Variants in CNTNAP5 observed in about 807,000 individuals in gnomAD.
CNTNAP5 encodes the protein contactin-associated protein-like 5.
A neutral mutation model predicts 150.2 loss-of-function variants in CNTNAP5; 72 were observed. That is an observed-to-expected ratio of 0.48 (90% confidence interval 0.40 to 0.58). The LOEUF is 0.58. Ranked by LOEUF, CNTNAP5 falls within the 20% of genes least tolerant of loss-of-function variation. The pLI is 0.00. For synonymous variants in CNTNAP5, 672 were observed against 619.8 expected, an observed-to-expected ratio of 1.08 and a Z score of -1.25; for missense variants, 1,636 against 1,626.2, an observed-to-expected ratio of 1.01 and a Z score of -0.10.
At chr2:124,854,998 C>T (rs980983810) in intron 19 of CNTNAP5, among the ~76,000 whole-genome samples, 2 of 151,958 alleles carry the variant, frequency 1.3e-5, no homozygotes, top group Non-Finnish European at 2.9e-5. Flanking sequence ...AAAAACATAA[C>T]AATGTGCAGA....
chr2:124,177,186 C>T lies in CNTNAP5; in HGVS notation c.83-44519C>T, dbSNP rs528622644. ...TATGGCCAGTTTTTACACAGAAAGG[C>T]GGGAGGAAAGTTAGAGTAATATTTT... On this transcript the variant is annotated intron_variant, in intron 1 of 23. Coordinates refer to ENST00000682447, the MANE Select transcript of CNTNAP5 (RefSeq NM_001367498.1). Among the ~76,000 whole-genome samples, 289 of 151,978 alleles carry T rather than the reference C, an allele frequency of 1.9e-3. 1 individual carries two copies. Among genetic ancestry groups the T allele is most frequent in the African/African-American group, 6.6e-3 (274 of 41,432 alleles).
intron 1 of CNTNAP5, among the ~76,000 whole-genome samples, chr2:124,121,910 G>A (rs182074081): frequency 6.6e-6 from 1 of 152,256 alleles, no homozygotes; most frequent in East Asian, 1.9e-4. Flanking sequence ...GCTGTGAACT[G>A]TACAAGACAG....
intron 6 of CNTNAP5, among the ~76,000 whole-genome samples, chr2:124,450,006 A>T (rs1692925834): frequency 6.6e-6 from 1 of 152,130 alleles, no homozygotes; most frequent in African/African-American, 2.4e-5. Context: ...AGCAAGATCC[A>T]GACCCCTGTT....
At chr2:124,597,745 A>C (rs1007076288) in intron 11 of CNTNAP5, among the ~76,000 whole-genome samples, 8 of 151,852 alleles carry the variant, frequency 5.3e-5, no homozygotes, top group African/African-American at 1.9e-4. Context: ...GTGTTTTCCA[A>C]CTTGGTTCCA....
chr2:124,592,673 A>G (rs562194066), intron 11 of CNTNAP5, among the ~76,000 whole-genome samples: 4 of 151,918 alleles, frequency 2.6e-5, no homozygotes, highest in Non-Finnish European at 5.9e-5. Flanking sequence ...TAATATAACT[A>G]ATATTCTCAT....
Position 124,431,157 on chromosome 2 carries a change from C to T in CNTNAP5, c.530-3327C>T, listed in dbSNP as rs73952963. Among the ~76,000 whole-genome samples, 367 of 152,150 alleles carry T rather than the reference C, an allele frequency of 2.4e-3. 3 individuals are homozygous for T. The highest frequency in any genetic ancestry group is 8.2e-3 in the African/African-American group (341 of 41,510). On this transcript the variant is annotated intron_variant, in intron 4 of 23. Coordinates refer to ENST00000682447, the MANE Select transcript of CNTNAP5 (RefSeq NM_001367498.1). The stretch of plus-strand genomic sequence containing the variant: ...TAGTTTTCTCTAGGTCTCATGACAA[C>T]GTGGAGATGTGTTTTCTTAAGAGAT...
chr2:124,125,929 T>C (rs184173566), intron 1 of CNTNAP5, among the ~76,000 whole-genome samples: 192 of 152,220 alleles, frequency 1.3e-3, no homozygotes, highest in African/African-American at 4.3e-3. Flanking sequence ...TAGAGGGAAA[T>C]TTATAGCACT....
intron 3 of CNTNAP5, among the ~76,000 whole-genome samples, chr2:124,264,673 C>T (rs1687557888): frequency 6.6e-6 from 1 of 152,182 alleles, no homozygotes; most frequent in Non-Finnish European, 1.5e-5. Flanking sequence ...ATGAGACCAA[C>T]TCTGGCCAAG....
At chr2:124,757,890 G>T (rs1023083509) in intron 14 of CNTNAP5, among the ~76,000 whole-genome samples, 2 of 152,142 alleles carry the variant, frequency 1.3e-5, no homozygotes, top group African/African-American at 4.8e-5. Context: ...ATTTAAAATA[G>T]AATTTTATTG....
At chr2:124,359,742 G>T in intron 3 of CNTNAP5, among the ~76,000 whole-genome samples, 1 of 85,744 alleles carries the variant, frequency 1.2e-5, no homozygotes, top group Middle Eastern at 4.1e-3. Context: ...GTCAATTTTG[G>T]AATAGGTGTG....
At chr2:124,311,555 T>G (rs1688832804) in intron 3 of CNTNAP5, among the ~76,000 whole-genome samples, 1 of 152,204 alleles carries the variant, frequency 6.6e-6, no homozygotes, top group Non-Finnish European at 1.5e-5. Context: ...CTAAAAGTCC[T>G]TTCTCCAAAT....
intron 1 of CNTNAP5, among the ~76,000 whole-genome samples, chr2:124,181,622 G>A (rs1228123177): frequency 6.6e-6 from 1 of 152,108 alleles, no homozygotes; most frequent in African/African-American, 2.4e-5. Context: ...AACTGAGAAA[G>A]GCTTACTTCC....
chr2:124,350,371 T>C (rs7567224), intron 3 of CNTNAP5, among the ~76,000 whole-genome samples: 56,062 of 151,758 alleles, frequency 0.37, 10,575 homozygotes, highest in Middle Eastern at 0.45. Flanking sequence ...TGCTAAAATA[T>C]TCATTATATT....
At chr2:124,643,944 A>G (rs1678148941) in intron 12 of CNTNAP5, among the ~76,000 whole-genome samples, 1 of 152,220 alleles carries the variant, frequency 6.6e-6, no homozygotes, top group African/African-American at 2.4e-5. Flanking sequence ...TGAAGAAGTA[A>G]TAATTTCATC....
intron 13 of CNTNAP5, among the ~76,000 whole-genome samples, chr2:124,665,194 T>A (rs879711642): frequency 1.3e-5 from 2 of 152,250 alleles, no homozygotes; most frequent in African/African-American, 2.4e-5. Context: ...TTTCCCTTTT[T>A]ATCTTCTATC....
At chr2:124,896,599 C>G (rs1678310240) in intron 21 of CNTNAP5, among the ~76,000 whole-genome samples, 1 of 151,214 alleles carries the variant, frequency 6.6e-6, no homozygotes, top group Non-Finnish European at 1.5e-5. Context: ...AGTGCAGTGG[C>G]CCAATCTCAG....
chr2:124,215,678 T>C (rs2104731700), intron 1 of CNTNAP5, among the ~76,000 whole-genome samples: 1 of 128,972 alleles, frequency 7.8e-6, no homozygotes, highest in Non-Finnish European at 1.6e-5. Context: ...AGGGTTTATC[T>C]AGGGGAGAGT....
chr2:124,206,674 A>G (rs1685871797), intron 1 of CNTNAP5, among the ~76,000 whole-genome samples: 1 of 152,234 alleles, frequency 6.6e-6, no homozygotes. Flanking sequence ...CAGCGGCATC[A>G]GAGGCACCTA....
At chr2:124,514,062 T>C (rs1694652244) in intron 8 of CNTNAP5, among the ~76,000 whole-genome samples, 1 of 152,198 alleles carries the variant, frequency 6.6e-6, no homozygotes, top group African/African-American at 2.4e-5. Context: ...GGCAAAAAAG[T>C]GGATAGCCAC....
Sources: allele counts gnomAD v4.1 joint callset (sites outside exome capture counted in the v4.1 genomes callset), GRCh38; gene constraint gnomAD v4.1.1; transcripts MANE v1.5; gene names NCBI Gene and HGNC (gene_info 2026-07-23, HGNC 2026-07-21).